CEMIP: variants seen among roughly 807,000 people sequenced by gnomAD.
CEMIP encodes cell migration-inducing and hyaluronan-binding protein.
CEMIP carries 105 observed loss-of-function variants against 156.9 expected under a neutral mutation model. The ratio of observed to expected loss-of-function variants is 0.67; its 90% CI spans 0.57 to 0.79. The LOEUF is 0.79. Among genes scored for constraint, CEMIP ranks in the 30% least tolerant of loss-of-function variants. The pLI, the probability that CEMIP is intolerant of heterozygous loss-of-function variation, is 0.00. For synonymous variants in CEMIP, 676 were observed against 668.4 expected (o/e 1.01, Z -0.17); for missense variants, 1,457 against 1,769.4 (o/e 0.82, Z 3.17).
At chr15:80,943,521 G>A (rs1901422742) in intron 28 of CEMIP, among the ~76,000 whole-genome samples, 1 of 152,192 alleles carries the variant, frequency 6.6e-6, no homozygotes, top group African/African-American at 2.4e-5. Context: ...CATCTTGTAT[G>A]GAACTGAATT....
intron 7 of CEMIP, among the ~76,000 whole-genome samples, chr15:80,885,476 G>C (rs902754891): frequency 1.3e-5 from 2 of 152,186 alleles, no homozygotes; most frequent in African/African-American, 4.8e-5. Context: ...AACACTAAGT[G>C]CACTTCCATT....
chr15:80,791,768 C>A (rs564580493), intron 1 of CEMIP, among the ~76,000 whole-genome samples: 267 of 152,210 alleles, frequency 1.8e-3, no homozygotes, highest in Non-Finnish European at 2.9e-3. Context: ...TTCATGAATT[C>A]TTGGACACAT....
rs551417564 is a variant in CEMIP, at chr15:80,887,244, T to G, written c.798-450T>G. 9.2e-5 allele frequency among the ~76,000 whole-genome samples: 14 copies of G among 152,300 alleles called. No individual in the cohort carries two copies. In the South Asian group the frequency reaches 2.9e-3, roughly 32 times the overall value. On this transcript the variant is annotated intron_variant, in intron 7 of 29. Coordinates refer to ENST00000394685, the MANE Select transcript of CEMIP (RefSeq NM_001293298.2). Reference sequence around the variant, plus strand: ...GGCAGATGGCTAGGGCAGTCAGTCATGTTAGCCTCTGGTATTTTCCTCGAG... The same window carrying G: ...GGCAGATGGCTAGGGCAGTCAGTCAGGTTAGCCTCTGGTATTTTCCTCGAG...
In CEMIP at chr15:80,866,041, C is replaced by T. The variant is rs147809885; in HGVS notation, c.-175-7497C>T. Among the ~76,000 whole-genome samples the T allele has an allele frequency of 1.5e-3, 225 of 152,282 alleles. 2 individuals are homozygous for T. Among genetic ancestry groups the T allele is most frequent in the Middle Eastern group, 0.014 (4 of 294 alleles). On this transcript the variant is annotated intron_variant, in intron 1 of 29. Coordinates refer to ENST00000394685, the MANE Select transcript of CEMIP (RefSeq NM_001293298.2). ...GGATGTGAAATAGTTTCAGAGCTAC[C>T]TTTCTCCCAGCTGCAATTGGCAAAG...
chr15:80,858,567 A>T (rs2064469652), intron 1 of CEMIP, among the ~76,000 whole-genome samples: 1 of 151,484 alleles, frequency 6.6e-6, no homozygotes, highest in South Asian at 2.1e-4. Context: ...AAAAAAAAAA[A>T]ATACAAAATT....
chr15:80,937,288 T>TA (rs1248646269), intron 24 of CEMIP, among the ~76,000 whole-genome samples: 1 of 152,232 alleles, frequency 6.6e-6, no homozygotes, highest in Admixed American at 6.5e-5. Flanking sequence ...CTCTGCGAGA[T>TA]AAAGTGTTGA....
At position 80,880,884 on chromosome 15, in the gene CEMIP, C is replaced by A; in HGVS notation, c.381-16C>A. On this transcript the variant is annotated splice_polypyrimidine_tract_variant and intron_variant, in intron 5 of 29. Coordinates refer to ENST00000394685, the MANE Select transcript of CEMIP (RefSeq NM_001293298.2). ...AGATGTGTCAGCCAACTCTGGGGAG[C>A]TGTTTTCTCTTGCAGGGCTGATGAA... 3.1e-6 allele frequency: 5 copies of A among 1,603,546 alleles called. No homozygotes were observed. Among genetic ancestry groups the A allele is most frequent in the Non-Finnish European group, 4.3e-6 (5 of 1,170,918 alleles).
rs146217017 is a variant in CEMIP at position 80,817,129 on chromosome 15, G to A, written c.-176+37515G>A. ...GAAGGAGCTAAAATGACGATACCTT[G>A]GCTGATGTAATTATTATGATTATAC... On this transcript the variant is annotated intron_variant, in intron 1 of 29. Coordinates refer to ENST00000394685, the MANE Select transcript of CEMIP (RefSeq NM_001293298.2). 2.7e-3 allele frequency among the ~76,000 whole-genome samples: 417 copies of A among 152,222 alleles called. 1 individual carries two copies. Among genetic ancestry groups the A allele is most frequent in the Middle Eastern group, 6.8e-3 (2 of 294 alleles).
At chr15:80,920,540 C>G (rs574829174) in intron 15 of CEMIP, among the ~76,000 whole-genome samples, 2 of 152,296 alleles carry the variant, frequency 1.3e-5, no homozygotes, top group South Asian at 4.2e-4. Flanking sequence ...AAAGAGGATC[C>G]CTGTTCTCAT....
chr15:80,928,170 C>T (rs1900763986), intron 19 of CEMIP, among the ~76,000 whole-genome samples: 1 of 152,118 alleles, frequency 6.6e-6, no homozygotes, highest in Non-Finnish European at 1.5e-5. Flanking sequence ...GTTAAATCTA[C>T]CCCTGGGACA....
intron 1 of CEMIP, among the ~76,000 whole-genome samples, chr15:80,870,978 G>T (rs1898268484): frequency 6.6e-6 from 1 of 152,174 alleles, no homozygotes; most frequent in Non-Finnish European, 1.5e-5. Flanking sequence ...TTCCTGCAGA[G>T]ACTTCCAGCA....
intron 24 of CEMIP, among the ~76,000 whole-genome samples, 178 bp downstream of exon 24, chr15:80,937,063 G>T (rs566247131): frequency 1.3e-5 from 2 of 152,220 alleles, no homozygotes; most frequent in African/African-American, 4.8e-5. Context: ...CCAAGCCCCC[G>T]CTCCAGCATG....
At chr15:80,890,032 A>C (rs1394697169) in intron 10 of CEMIP, among the ~76,000 whole-genome samples, 1 of 152,196 alleles carries the variant, frequency 6.6e-6, no homozygotes, top group Non-Finnish European at 1.5e-5. Flanking sequence ...CATTCATAGA[A>C]TGGACAGTGT....
chr15:80,884,030 T>G (rs943133899), intron 6 of CEMIP, 145 bp from the exon 7 acceptor site: 119 of 834,588 alleles, frequency 1.4e-4, no homozygotes, highest in Non-Finnish European at 2.2e-4. Flanking sequence ...GTTTGCTCTT[T>G]AAAGAAAAGG....
At chr15:80,946,856 T>G (rs746454567) in intron 28 of CEMIP, 109 bp from the exon 29 acceptor site, 24 of 749,096 alleles carry the variant, frequency 3.2e-5, no homozygotes, top group Admixed American at 8.0e-5. Context: ...GACAGGCCTC[T>G]GGGCACTGCT....
Position 80,928,894 on chromosome 15 carries a change from G to A in CEMIP, c.2421-8G>A. The A allele has an allele frequency of 6.2e-7, 1 of 1,613,750 alleles. No individual in the cohort carries two copies. Among genetic ancestry groups the A allele is most frequent in the East Asian group, 2.2e-5 (1 of 44,886 alleles). On this transcript the variant is annotated splice_region_variant and splice_polypyrimidine_tract_variant and intron_variant, in intron 19 of 29. Transcript: ENST00000394685. ...ATGCTCTGACTATCTATCTGCTCTT[G>A]CCCACAGGTTTGCTGACAATGGCAT... is the stretch of plus-strand genomic sequence containing the variant.
At chr15:80,796,732 G>C (rs1472138090) in intron 1 of CEMIP, among the ~76,000 whole-genome samples, 1 of 152,146 alleles carries the variant, frequency 6.6e-6, no homozygotes. Context: ...ACCAGACATG[G>C]AGAATGCAAA....
intron 27 of CEMIP, 51 bp from the exon 28 acceptor site, chr15:80,942,894 C>G (rs1218864984): frequency 6.2e-7 from 1 of 1,611,528 alleles, no homozygotes; most frequent in East Asian, 2.2e-5. Context: ...GGCAGGAGAA[C>G]CATGGGGCCT....
At position 80,844,834 on chromosome 15, in the gene CEMIP, C is replaced by T. The variant is rs1315281828; in HGVS notation, c.-175-28704C>T. ...CAGGAGCAGGAGAGAAGCCAGGTGG[C>T]CCAGCCTTGGGTTGGGAGAACAGGG... On this transcript the variant is annotated intron_variant, in intron 1 of 29. Coordinates refer to ENST00000394685, the MANE Select transcript of CEMIP (RefSeq NM_001293298.2). Among the ~76,000 whole-genome samples the T allele has an allele frequency of 2.0e-5, 3 of 152,112 alleles. No individual in the cohort carries two copies. In the East Asian group the frequency reaches 5.8e-4, roughly 29 times the overall value.
Sources: allele counts gnomAD v4.1 joint callset (sites outside exome capture counted in the v4.1 genomes callset), GRCh38; gene constraint gnomAD v4.1.1; transcripts MANE v1.5; gene names NCBI Gene and HGNC (gene_info 2026-07-23, HGNC 2026-07-21).